Variants in NALF1 observed in about 807,000 individuals in gnomAD.
The protein encoded by NALF1 is NALCN channel auxiliary factor 1.
In NALF1, 3 loss-of-function variants were observed where a neutral mutation model predicts 48.4. The ratio of observed to expected loss-of-function variants is 0.06; its 90% CI spans 0.03 to 0.16. The LOEUF is 0.16. Among genes scored for constraint, NALF1 ranks in the 10% least tolerant of loss-of-function variants. NALF1 has a pLI of 1.00. For missense variants in NALF1, 526 were observed against 571.5 expected (o/e 0.92, Z 0.81); for synonymous variants, 262 against 245.7 (o/e 1.07, Z -0.62).
chr13:107,798,128 C>T (rs1878489858), intron 1 of NALF1, among the ~76,000 whole-genome samples: 3 of 152,172 alleles, frequency 2.0e-5, no homozygotes, highest in African/African-American at 7.2e-5. Context: ...TTTAGGCTTT[C>T]TGGTTTCATT....
At chr13:107,228,621 G>A (rs574160338) in intron 1 of NALF1, among the ~76,000 whole-genome samples, 7 of 152,124 alleles carry the variant, frequency 4.6e-5, no homozygotes, top group South Asian at 4.2e-4. Context: ...TAAGGGTGCC[G>A]GTAATTCTTT....
intron 1 of NALF1, among the ~76,000 whole-genome samples, chr13:107,469,855 T>G (rs546810799): frequency 3.4e-5 from 5 of 147,810 alleles, no homozygotes; most frequent in Non-Finnish European, 7.4e-5. Context: ...GCCATTCTCC[T>G]GCCTCAGCCT....
At chr13:107,829,921 C>A (rs569613735) in intron 1 of NALF1, among the ~76,000 whole-genome samples, 1 of 152,276 alleles carries the variant, frequency 6.6e-6, no homozygotes, top group Non-Finnish European at 1.5e-5. Flanking sequence ...AGTATCACTA[C>A]GTTGAAAGGA....
intron 1 of NALF1, among the ~76,000 whole-genome samples, chr13:107,637,246 T>C (rs910143821): frequency 4.5e-5 from 6 of 132,994 alleles, no homozygotes; most frequent in African/African-American, 1.5e-4. Context: ...ATTTGTTGTG[T>C]GTGTGTGTAT....
intron 1 of NALF1, among the ~76,000 whole-genome samples, chr13:107,850,439 T>C (rs981450127): frequency 6.6e-6 from 1 of 152,224 alleles, no homozygotes; most frequent in African/African-American, 2.4e-5. Flanking sequence ...TATATTGGTT[T>C]CTATTATAAG....
intron 1 of NALF1, among the ~76,000 whole-genome samples, chr13:107,846,763 G>A (rs993573934): frequency 3.3e-5 from 5 of 152,138 alleles, no homozygotes; most frequent in African/African-American, 9.7e-5. Flanking sequence ...AAGTGCCTTC[G>A]TGTTTATTTC....
At chr13:107,389,854 T>C (rs566422322) in intron 1 of NALF1, among the ~76,000 whole-genome samples, 1 of 152,306 alleles carries the variant, frequency 6.6e-6, no homozygotes, top group South Asian at 2.1e-4. Context: ...AATATATACG[T>C]AATTTGATGT....
At chr13:107,515,748 G>A (rs1392313147) in intron 1 of NALF1, among the ~76,000 whole-genome samples, 2 of 152,184 alleles carry the variant, frequency 1.3e-5, no homozygotes, top group Non-Finnish European at 2.9e-5. Context: ...AGCTGAGACA[G>A]CTCCTCTGTC....
chr13:107,491,766 G>A (rs970380836), intron 1 of NALF1, among the ~76,000 whole-genome samples: 2 of 152,082 alleles, frequency 1.3e-5, no homozygotes, highest in Admixed American at 6.5e-5. Context: ...TAAGTCGTTA[G>A]TAAATGTAAG....
At chr13:107,304,080 G>A (rs1396469180) in intron 1 of NALF1, among the ~76,000 whole-genome samples, 1 of 151,996 alleles carries the variant, frequency 6.6e-6, no homozygotes, top group Non-Finnish European at 1.5e-5. Flanking sequence ...TGACACAAGT[G>A]GATAATTGTG....
intron 1 of NALF1, among the ~76,000 whole-genome samples, chr13:107,234,527 G>A (rs1880298543): frequency 6.6e-6 from 1 of 152,048 alleles, no homozygotes; most frequent in Admixed American, 6.5e-5. Flanking sequence ...GCGAGGGTCC[G>A]CCCAGCACTG....
intron 1 of NALF1, among the ~76,000 whole-genome samples, chr13:107,517,105 A>G (rs114200984): frequency 1.3e-5 from 2 of 152,256 alleles, no homozygotes; most frequent in African/African-American, 2.4e-5. Context: ...TTGTATATGT[A>G]TATGTGTATA....
chr13:107,866,361 TGCTGCC>T lies in NALF1; in HGVS notation c.230_235del (p.Arg77_Gln78del), dbSNP rs779815423. On this transcript the variant is annotated inframe_deletion, in exon 1 of 3. Transcript: ENST00000375915. This position sits in a 1 kb window ranked among gnomAD's most constrained non-coding sequence, Gnocchi z 4.4. ...CCTCTGCTGCTGCTGCTGCTGCTGC[TGCTGCC>T]GCTGCTGCTGCTGGTGCTCCTTGTC... The T allele has an allele frequency of 6.5e-5, 102 of 1,571,224 alleles. No homozygotes were observed. The highest frequency in any genetic ancestry group is 8.2e-5 in the Non-Finnish European group (94 of 1,144,334).
At chr13:107,713,844 C>T (rs1875671958) in intron 1 of NALF1, among the ~76,000 whole-genome samples, 1 of 152,184 alleles carries the variant, frequency 6.6e-6, no homozygotes. Flanking sequence ...GCAAGTACAG[C>T]TCTGCATGAT....
chr13:107,482,241 T>A (rs1178877677), intron 1 of NALF1, among the ~76,000 whole-genome samples: 1 of 151,964 alleles, frequency 6.6e-6, no homozygotes, highest in Non-Finnish European at 1.5e-5. Context: ...CAGCATCAGC[T>A]CTTTCCTGGG....
At position 107,590,133 on chromosome 13, in the gene NALF1, TAGA is replaced by T. The variant is rs1878564950; in HGVS notation, c.915+275546_915+275548del. 2.0e-5 allele frequency among the ~76,000 whole-genome samples: 3 copies of T among 152,166 alleles called. No individual in the cohort carries two copies. The East Asian group carries it at 5.8e-4, about 29-fold the overall frequency. On this transcript the variant is annotated intron_variant, in intron 1 of 2. Transcript: ENST00000375915. ...GTGAAAAGTACCACCATCATAAAGT[TAGA>T]AAATGTTTAATCTTTATTTAGCACA...
chr13:107,170,281 G>T lies in NALF1; in HGVS notation c.*216C>A. ...AACATTAAAACACAGTGTATAAAAT[G>T]GTGTGAGAAATTTAAAGTCACTTTC... On this transcript the variant is annotated 3_prime_UTR_variant, in exon 3 of 3. Transcript: ENST00000375915. 1.9e-6 allele frequency: 1 copy of T among 514,460 alleles called. No individual in the cohort carries two copies. The highest frequency in any genetic ancestry group is 3.3e-5 in the Admixed American group (1 of 30,558). 31.9% of individuals were successfully genotyped at this position (514,460 alleles called of 1,614,324 possible).
intron 1 of NALF1, among the ~76,000 whole-genome samples, chr13:107,826,995 T>C (rs1277959763): frequency 1.3e-5 from 2 of 152,212 alleles, no homozygotes; most frequent in African/African-American, 4.8e-5. Context: ...AGTTACCATG[T>C]TGAGTGAAAT....
At chr13:107,445,042 G>A (rs1052127288) in intron 1 of NALF1, among the ~76,000 whole-genome samples, 13 of 152,150 alleles carry the variant, frequency 8.5e-5, no homozygotes, top group African/African-American at 2.9e-4. Flanking sequence ...CATAATTATA[G>A]TAAGGTATCC....
Sources: gnomAD v4.1 joint callset for allele counts (sites outside exome capture counted in the v4.1 genomes callset) on GRCh38, gnomAD v4.1.1 for gene constraint, Gnocchi (gnomAD v3.1) non-coding constraint, MANE v1.5 for transcripts, NCBI Gene and HGNC (gene_info 2026-07-23, HGNC 2026-07-21) for gene names.